The following OR10Z1 variants were observed in gnomAD, a reference collection of about 807,000 sequenced individuals.
OR10Z1 encodes the protein olfactory receptor 10Z1.
For missense variants in OR10Z1, 468 were observed against 371.0 expected, an observed-to-expected ratio of 1.26 and a Z score of -2.15; for synonymous variants, 187 against 151.2, an observed-to-expected ratio of 1.24 and a Z score of -1.74.
At position 158,610,391 on chromosome 1, in the gene OR10Z1, C is replaced by G. The variant is rs911960465; in HGVS notation, c.*3011C>G. 1 of 152,120 alleles carries G rather than the reference C, an allele frequency of 6.6e-6. No homozygotes were observed. Among genetic ancestry groups the G allele is most frequent in the African/African-American group, 2.4e-5 (1 of 41,424 alleles). The allele number at this position is 152,120 out of a possible 1,614,324, so 9.4% of individuals were successfully genotyped here. A position where few individuals can be genotyped will look rare whatever the true frequency, so the allele number is the denominator to read the frequency against. On this transcript the variant is annotated 3_prime_UTR_variant, in exon 2 of 2. Transcript: ENST00000641002. The stretch of plus-strand genomic sequence containing the variant: ...CAGAATGTCGGCATATAAACCTGTT[C>G]AGAATAAACCTGGCCTGAAAATTTT...
chr1:158,606,617 A>G lies in OR10Z1; in HGVS notation c.179A>G (p.Tyr60Cys), dbSNP rs201009930. Reference sequence around the variant, plus strand: ...GATAGCCATCTGCACACCCCCATGTACCTCTTCCTTTCCTTCCTATCCTTC... The same window carrying G: ...GATAGCCATCTGCACACCCCCATGTGCCTCTTCCTTTCCTTCCTATCCTTC... ...RLDSHLHTPMYLFLSFLSFSE... is the reference protein window; with the variant it reads ...RLDSHLHTPMCLFLSFLSFSE... Residue 60 changes from tyrosine (Y) to cysteine (C), a missense_variant, in exon 2 of 2, where the codon TAC becomes TGC. Coordinates refer to ENST00000641002, the MANE Select transcript of OR10Z1 (RefSeq NM_001004478.2). 33 of 1,613,600 alleles carry G rather than the reference A, an allele frequency of 2.0e-5. No individual in the cohort carries two copies. Among genetic ancestry groups the G allele is most frequent in the Non-Finnish European group, 2.6e-5 (31 of 1,179,846 alleles).
chr1:158,607,262 CCATGACCT>C lies in OR10Z1; in HGVS notation c.825_832del (p.Met276TyrfsTer8). Reference sequence around the variant, plus strand: ...TCTCTTGAGAGAGATCAGCTTATTGCCATGACCTATACTGTAGTGACCCCCCTCCTTAA... The same window carrying C: ...TCTCTTGAGAGAGATCAGCTTATTGCATACTGTAGTGACCCCCCTCCTTAA... On this transcript the variant is annotated frameshift_variant, in exon 2 of 2. Coordinates refer to ENST00000641002, the MANE Select transcript of OR10Z1 (RefSeq NM_001004478.2). LOFTEE classifies it low-confidence loss of function (END_TRUNC). The C allele has an allele frequency of 1.2e-6, 2 of 1,614,038 alleles. No individual in the cohort carries two copies. Among genetic ancestry groups the C allele is most frequent in the Non-Finnish European group, 1.7e-6 (2 of 1,179,910 alleles).
chr1:158,606,549 C>A lies in OR10Z1; in HGVS notation c.111C>A (p.Val37=). The A allele has an allele frequency of 6.2e-7, 1 of 1,613,736 alleles. No homozygotes were observed. The highest frequency in any genetic ancestry group is 8.5e-7 in the Non-Finnish European group (1 of 1,179,712). ...LFALFLSLYL[V]TLTSNVFIII... The stretch of plus-strand genomic sequence containing the variant: ...CCTTGTTCCTCTCTCTGTATCTAGT[C>A]ACTCTGACCAGCAATGTCTTCATTA... Residue 37 remains valine (V), a synonymous_variant, in exon 2 of 2, where the codon GTC becomes GTA. Transcript: ENST00000641002.
chr1:158,606,478 T>C lies in OR10Z1; in HGVS notation c.40T>C (p.Phe14Leu). 6.2e-7 allele frequency: 1 copy of C among 1,613,936 alleles called. No individual in the cohort carries two copies. The highest frequency in any genetic ancestry group is 1.1e-5 in the South Asian group (1 of 91,076). ...TNVTSWRDFV[F>L]LGFSSSGELQ... is the part of the protein sequence containing the mutation. ...CGTAACCTCCTGGAGGGATTTTGTCTTCCTGGGCTTCTCCAGTTCTGGGGA... is the reference window on the plus strand; with the variant it reads ...CGTAACCTCCTGGAGGGATTTTGTCCTCCTGGGCTTCTCCAGTTCTGGGGA... The change falls in exon 2 of 2, where the codon TTC (phenylalanine) becomes CTC (leucine). Residue 14 changes from phenylalanine to leucine, a missense_variant. Phe to Leu is a conservative substitution (Grantham distance 22, BLOSUM62 0). Transcript: ENST00000641002.
intron 1 of OR10Z1, 47 bp from the exon 2 acceptor site, chr1:158,606,279 C>T (rs1408257176): frequency 1.0e-5 from 6 of 600,668 alleles, no homozygotes; most frequent in African/African-American, 9.3e-5. Flanking sequence ...TTAACAAATA[C>T]TTTTTTGAAG....
In OR10Z1 at chr1:158,611,740, T is replaced by C. The variant is rs1171316245; in HGVS notation, c.*4360T>C. 3 of 259,956 alleles carry C rather than the reference T, an allele frequency of 1.2e-5. No homozygotes were observed. The highest frequency in any genetic ancestry group is 2.3e-5 in the Non-Finnish European group (3 of 133,074). The allele number at this position is 259,956 out of a possible 1,614,324, so 16.1% of individuals were successfully genotyped here. ...CTGCTTTGAGATGTGGGGACTAGCA[T>C]GTTTTATGAGTAAGGTAAAATACTC... On this transcript the variant is annotated 3_prime_UTR_variant, in exon 2 of 2. Coordinates refer to ENST00000641002, the MANE Select transcript of OR10Z1 (RefSeq NM_001004478.2).
rs971458450 is a variant in OR10Z1, at chr1:158,608,621, G to A, written c.*1241G>A. 3 of 152,300 alleles carry A rather than the reference G, an allele frequency of 2.0e-5. No homozygotes were observed. Among genetic ancestry groups the A allele is most frequent in the African/African-American group, 7.2e-5 (3 of 41,578 alleles). 9.4% of individuals were successfully genotyped at this position (152,300 alleles called of 1,614,324 possible). A position where few individuals can be genotyped will look rare whatever the true frequency, so the allele number is the denominator to read the frequency against. ...TTACTCTAGGTGGAGGATCAGAGAA[G>A]ACTTCATGTCTTAAATAGTATCTGA... On this transcript the variant is annotated 3_prime_UTR_variant, in exon 2 of 2. Coordinates refer to ENST00000641002, the MANE Select transcript of OR10Z1 (RefSeq NM_001004478.2).
rs1649092929 is a variant in OR10Z1 at position 158,607,563 on chromosome 1, C to T, written c.*183C>T. On this transcript the variant is annotated 3_prime_UTR_variant, in exon 2 of 2. Transcript: ENST00000641002. ...TGGAATGCAGAGGCGGGGCTTCCTG[C>T]TCTGCTCACTGTGCACAACTCAAAA... 2 of 537,210 alleles carry T rather than the reference C, an allele frequency of 3.7e-6. No homozygotes were observed. The allele number at this position is 537,210 out of a possible 1,614,324, so 33.3% of individuals were successfully genotyped here. A position where few individuals can be genotyped will look rare whatever the true frequency, so the allele number is the denominator to read the frequency against.
At position 158,608,410 on chromosome 1, in the gene OR10Z1, G is replaced by C. The variant is rs903021157; in HGVS notation, c.*1030G>C. 1 of 151,962 alleles carries C rather than the reference G, an allele frequency of 6.6e-6. No homozygotes were observed. The highest frequency in any genetic ancestry group is 1.9e-4 in the East Asian group (1 of 5,194). 9.4% of individuals were successfully genotyped at this position (151,962 alleles called of 1,614,324 possible). On this transcript the variant is annotated 3_prime_UTR_variant, in exon 2 of 2. Coordinates refer to ENST00000641002, the MANE Select transcript of OR10Z1 (RefSeq NM_001004478.2). Reference sequence around the variant, plus strand: ...TCAACTTACTAGCTGTGTGACTCTAGGTAAGTTATTTAACATTTTTTTCAG... The same window carrying C: ...TCAACTTACTAGCTGTGTGACTCTACGTAAGTTATTTAACATTTTTTTCAG...
Position 158,606,820 on chromosome 1 carries a change from G to A in OR10Z1, c.382G>A (p.Ala128Thr). 1 of 1,613,922 alleles carries A rather than the reference G, an allele frequency of 6.2e-7. No homozygotes were observed. Among genetic ancestry groups the A allele is most frequent in the Non-Finnish European group, 8.5e-7 (1 of 1,179,976 alleles). The change falls in exon 2 of 2, where the codon GCT becomes ACT. Residue 128 changes from alanine (A) to threonine (T), a missense_variant. Transcript: ENST00000641002. ...MGFDRYVAIC[A>T]PLHYASHMNP... The stretch of plus-strand genomic sequence containing the variant: ...CTTTGACAGATATGTGGCCATCTGT[G>A]CTCCACTCCACTATGCCAGCCACAT...
In OR10Z1 at chr1:158,610,496, G is replaced by T. The variant is rs1348884142; in HGVS notation, c.*3116G>T. On this transcript the variant is annotated 3_prime_UTR_variant, in exon 2 of 2. Coordinates refer to ENST00000641002, the MANE Select transcript of OR10Z1 (RefSeq NM_001004478.2). ...ATTCTATTAACTGTTACTTTAACAG[G>T]ATATTGAAGTATTATTTTTATTACA... 2.6e-5 allele frequency: 4 copies of T among 151,670 alleles called. No homozygotes were observed. Among genetic ancestry groups the T allele is most frequent in the Admixed American group, 6.6e-5 (1 of 15,232 alleles). 9.4% of individuals were successfully genotyped at this position (151,670 alleles called of 1,614,324 possible). A position where few individuals can be genotyped will look rare whatever the true frequency, so the allele number is the denominator to read the frequency against.
rs1255255473 is a variant in OR10Z1, at chr1:158,609,262, AT to A, written c.*1885del. 1 of 152,158 alleles carries A rather than the reference AT, an allele frequency of 6.6e-6. No homozygotes were observed. The highest frequency in any genetic ancestry group is 6.6e-5 in the Admixed American group (1 of 15,264). The allele number at this position is 152,158 out of a possible 1,614,324, so 9.4% of individuals were successfully genotyped here. On this transcript the variant is annotated 3_prime_UTR_variant, in exon 2 of 2. Transcript: ENST00000641002. ...GAAAGAAATACATCCTCTAATTGGA[AT>A]TTGATGAAAACAATTTGAGAGGAAG...
Position 158,606,325 on chromosome 1 carries a change from GT to G in OR10Z1, c.-112del, listed in dbSNP as rs1649045944. On this transcript the variant is annotated splice_region_variant and 5_prime_UTR_variant, in exon 2 of 2. Coordinates refer to ENST00000641002, the MANE Select transcript of OR10Z1 (RefSeq NM_001004478.2). ...GTCTAAATCAGAGCTGCCTTTTTAA[GT>G]TGCAACAGGAACAAGAGAAAAAGAA... 1.5e-6 allele frequency: 1 copy of G among 687,068 alleles called. No homozygotes were observed. The highest frequency in any genetic ancestry group is 2.5e-6 in the Non-Finnish European group (1 of 400,044). The allele number at this position is 687,068 out of a possible 1,614,324, so 42.6% of individuals were successfully genotyped here.
Position 158,611,471 on chromosome 1 carries a change from A to T in OR10Z1, c.*4091A>T, listed in dbSNP as rs1649258012. ...TTGGGGCTTCCCATATTACGCCATA[A>T]ATGCAGGAGATGGAGAGTCTCTGGA... is the stretch of plus-strand genomic sequence containing the variant. On this transcript the variant is annotated 3_prime_UTR_variant, in exon 2 of 2. Transcript: ENST00000641002. 2 of 1,538,554 alleles carry T rather than the reference A, an allele frequency of 1.3e-6. No individual in the cohort carries two copies. Among genetic ancestry groups the T allele is most frequent in the Non-Finnish European group, 1.8e-6 (2 of 1,117,208 alleles).
rs1404615674 is a variant in OR10Z1, at chr1:158,608,821, A to T, written c.*1441A>T. On this transcript the variant is annotated 3_prime_UTR_variant, in exon 2 of 2. Coordinates refer to ENST00000641002, the MANE Select transcript of OR10Z1 (RefSeq NM_001004478.2). ...AACTCACAAATGATGCTGAGAAGTT[A>T]GTTTGAGTCATGACTTACTTGTTGA... The T allele has an allele frequency of 6.6e-6, 1 of 152,218 alleles. No individual in the cohort carries two copies. The highest frequency in any genetic ancestry group is 1.5e-5 in the Non-Finnish European group (1 of 68,038). The allele number at this position is 152,218 out of a possible 1,614,324, so 9.4% of individuals were successfully genotyped here.
chr1:158,610,845 C>T lies in OR10Z1; in HGVS notation c.*3465C>T, dbSNP rs1428384855. ...TCTTTACAGTAAAATTAGCTGCCCA[C>T]TCTTATATGAGTACAGTTCCCAGAA... On this transcript the variant is annotated 3_prime_UTR_variant, in exon 2 of 2. Transcript: ENST00000641002. 1 of 161,458 alleles carries T rather than the reference C, an allele frequency of 6.2e-6. No homozygotes were observed. The highest frequency in any genetic ancestry group is 1.4e-5 in the Non-Finnish European group (1 of 73,638). The allele number at this position is 161,458 out of a possible 1,614,324, so 10.0% of individuals were successfully genotyped here. A position where few individuals can be genotyped will look rare whatever the true frequency, so the allele number is the denominator to read the frequency against.
rs968596611 is a variant in OR10Z1, at chr1:158,606,483, G to C, written c.45G>C (p.Leu15=). The part of the protein sequence containing the change: ...NVTSWRDFVF[L]GFSSSGELQL... ...CCTCCTGGAGGGATTTTGTCTTCCT[G>C]GGCTTCTCCAGTTCTGGGGAGTTGC... The change falls in exon 2 of 2, where the codon CTG becomes CTC. Residue 15 remains leucine (L), a synonymous_variant. Coordinates refer to ENST00000641002, the MANE Select transcript of OR10Z1 (RefSeq NM_001004478.2). 1 of 1,613,892 alleles carries C rather than the reference G, an allele frequency of 6.2e-7. No individual in the cohort carries two copies. Among genetic ancestry groups the C allele is most frequent in the Admixed American group, 1.7e-5 (1 of 59,982 alleles).
rs1333787794 is a variant in OR10Z1, at chr1:158,611,757, A to G, written c.*4377A>G. On this transcript the variant is annotated 3_prime_UTR_variant, in exon 2 of 2. Coordinates refer to ENST00000641002, the MANE Select transcript of OR10Z1 (RefSeq NM_001004478.2). ...GACTAGCATGTTTTATGAGTAAGGT[A>G]AAATACTCAAGAAGGTAGAATAACT... The G allele has an allele frequency of 4.1e-6, 1 of 242,742 alleles. No individual in the cohort carries two copies. Among genetic ancestry groups the G allele is most frequent in the East Asian group, 1.2e-4 (1 of 8,464 alleles). The allele number at this position is 242,742 out of a possible 1,614,324, so 15.0% of individuals were successfully genotyped here.
chr1:158,607,108 G>C lies in OR10Z1; in HGVS notation c.670G>C (p.Ala224Pro). Residue 224 changes from alanine (A) to proline (P), a missense_variant, in exon 2 of 2, where the codon GCA becomes CCA. Transcript: ENST00000641002. ...CATCTCCTACGCCTACATCTTGGCA[G>C]CAATACTGAGGATCCCCTCTGCTGA... is the stretch of plus-strand genomic sequence containing the variant. Reference protein sequence around the residue: ...ITISYAYILAAILRIPSAEGQ... With the variant: ...ITISYAYILAPILRIPSAEGQ... 1.2e-6 allele frequency: 2 copies of C among 1,614,002 alleles called. No individual in the cohort carries two copies. Among genetic ancestry groups the C allele is most frequent in the Non-Finnish European group, 1.7e-6 (2 of 1,179,964 alleles).
Sources: allele counts gnomAD v4.1 joint callset, GRCh38; gene constraint gnomAD v4.1.1; transcripts MANE v1.5; gene names NCBI Gene and HGNC (gene_info 2026-07-23, HGNC 2026-07-21).